Variants in PPM1B observed in about 807,000 individuals in gnomAD.
PPM1B encodes the protein protein phosphatase 1B.
Under a neutral mutation model 43.0 loss-of-function variants are expected in PPM1B, and 22 were observed. The ratio of observed to expected loss-of-function variants is 0.51; its 90% CI spans 0.37 to 0.73. The LOEUF (loss-of-function observed/expected upper bound fraction) is 0.73, where lower values mean the gene tolerates loss of function less well. Among genes scored for constraint, PPM1B ranks in the 30% least tolerant of loss-of-function variants. The probability of loss-of-function intolerance (pLI) is 0.00; values close to 1 mark genes in which losing one functional copy is unlikely to be tolerated. For missense variants in PPM1B, 632 were observed against 584.2 expected (o/e 1.08, Z -0.84); for synonymous variants, 217 against 197.9 (o/e 1.10, Z -0.81).
In PPM1B at chr2:44,201,951, A is replaced by C; in HGVS notation, c.752A>C (p.Asn251Thr). Reference sequence around the variant, plus strand: ...GATGGGATCTGGGATGTTATGAGTAATGAGGAGCTCTGTGAATATGTTAAA... The same window carrying C: ...GATGGGATCTGGGATGTTATGAGTACTGAGGAGCTCTGTGAATATGTTAAA... ...ACDGIWDVMSNEELCEYVKSR... is the reference protein window; with the variant it reads ...ACDGIWDVMSTEELCEYVKSR... The change falls in exon 2 of 6, where the codon AAT (asparagine) becomes ACT (threonine). Residue 251 changes from asparagine to threonine, a missense_variant. Around this residue, in one of 3 missense-constraint regions of PPM1B, gnomAD observed 392 missense variants for 302.7 expected, o/e 1.29. Coordinates refer to ENST00000282412, the MANE Select transcript of PPM1B (RefSeq NM_002706.6). This position sits in a 1 kb window ranked among gnomAD's most constrained non-coding sequence, Gnocchi z 5.4. The C allele has an allele frequency of 6.2e-7, 1 of 1,614,146 alleles. No individual in the cohort carries two copies. The highest frequency in any genetic ancestry group is 8.5e-7 in the Non-Finnish European group (1 of 1,180,000).
chr2:44,214,320 C>T lies in PPM1B; in HGVS notation c.965-3647C>T, dbSNP rs143447962. On this transcript the variant is annotated intron_variant, in intron 3 of 5. Coordinates refer to ENST00000282412, the MANE Select transcript of PPM1B (RefSeq NM_002706.6). ...TCGTGACCTCGTGATCTGCCCGCCT[C>T]GGCCTCCCAAAGTGCTGGGATTACA... 7.4e-3 allele frequency among the ~76,000 whole-genome samples: 1,122 copies of T among 152,022 alleles called. 10 individuals are homozygous for T. Among genetic ancestry groups the T allele is most frequent in the African/African-American group, 0.026 (1,064 of 41,472 alleles).
At chr2:44,216,272 G>T (rs1440622766) in intron 3 of PPM1B, among the ~76,000 whole-genome samples, 1 of 152,180 alleles carries the variant, frequency 6.6e-6, no homozygotes, top group South Asian at 2.1e-4. Context: ...CATTTTTGGT[G>T]TCATAGCTGA....
chr2:44,233,561 G>C, downstream of PPM1B: 1 of 985,720 alleles, frequency 1.0e-6, no homozygotes, highest in Non-Finnish European at 1.2e-6. Context: ...ACATGTTGTG[G>C]ATGCTTTGTA....
intron 5 of PPM1B, among the ~76,000 whole-genome samples, chr2:44,242,196 A>C (rs891855554): frequency 6.6e-6 from 1 of 152,150 alleles, no homozygotes; most frequent in Non-Finnish European, 1.5e-5. Flanking sequence ...ATTATTTCGT[A>C]GTTTAATTGG....
intron 5 of PPM1B, 42 bp downstream of exon 5, chr2:44,218,579 C>T (rs1241860543): frequency 1.5e-6 from 2 of 1,328,298 alleles, no homozygotes; most frequent in East Asian, 2.3e-5. Flanking sequence ...AGTAATTTCA[C>T]AATATAAATA....
downstream of PPM1B, among the ~76,000 whole-genome samples, chr2:44,235,603 C>CA (rs60734033): frequency 0.15 from 10,792 of 73,420 alleles, 878 homozygotes; most frequent in African/African-American, 0.23. Context: ...AATTCCATCT[C>CA]AAAAAAAAAA....
intron 1 of PPM1B, among the ~76,000 whole-genome samples, chr2:44,172,838 T>G (rs1162476586): frequency 2.0e-5 from 3 of 152,002 alleles, no homozygotes; most frequent in African/African-American, 7.2e-5. Context: ...GCCAGGGAGG[T>G]CAAAGCTGCA....
downstream of PPM1B, among the ~76,000 whole-genome samples, chr2:44,234,970 G>A (rs1326507008): frequency 6.6e-6 from 1 of 152,178 alleles, no homozygotes; most frequent in African/African-American, 2.4e-5. Flanking sequence ...CTGTTGAAGT[G>A]TGGTATGGCC....
intron 1 of PPM1B, among the ~76,000 whole-genome samples, chr2:44,182,199 T>C (rs532222445): frequency 6.9e-4 from 105 of 152,326 alleles, no homozygotes; most frequent in African/African-American, 2.4e-3. Flanking sequence ...AGAAACATTC[T>C]CTATGGACGA....
At chr2:44,171,788 C>G (rs1572673902) in intron 1 of PPM1B, among the ~76,000 whole-genome samples, 2 of 147,462 alleles carry the variant, frequency 1.4e-5, no homozygotes, top group East Asian at 4.0e-4. Flanking sequence ...CGAGATTGTG[C>G]CACTGCACTC....
At chr2:44,224,515 TTGC>T (rs1240372939) in intron 5 of PPM1B, among the ~76,000 whole-genome samples, 1 of 151,960 alleles carries the variant, frequency 6.6e-6, no homozygotes, top group Non-Finnish European at 1.5e-5. Flanking sequence ...AAGATAAATA[TTGC>T]TGCAAATAAA....
At chr2:44,194,130 T>G (rs1231840116) in intron 1 of PPM1B, among the ~76,000 whole-genome samples, 1 of 152,200 alleles carries the variant, frequency 6.6e-6, no homozygotes, top group East Asian at 1.9e-4. Flanking sequence ...CTTGCATGGT[T>G]TTTTCCTTCT....
chr2:44,195,205 C>CTT (rs571222223), intron 1 of PPM1B, among the ~76,000 whole-genome samples: 154 of 140,504 alleles, frequency 1.1e-3, no homozygotes, highest in African/African-American at 3.5e-3. Flanking sequence ...TTCTTTCTTT[C>CTT]TTTTTTTTTT....
intron 3 of PPM1B, among the ~76,000 whole-genome samples, chr2:44,211,482 G>C (rs924796682): frequency 6.6e-6 from 1 of 152,138 alleles, no homozygotes; most frequent in South Asian, 2.1e-4. Flanking sequence ...AATCAGGGAG[G>C]CATGTGATGT....
At chr2:44,210,638 A>C (rs931932477) in intron 3 of PPM1B, among the ~76,000 whole-genome samples, 4 of 151,980 alleles carry the variant, frequency 2.6e-5, no homozygotes, top group Non-Finnish European at 5.9e-5. Flanking sequence ...GCTTATCTCT[A>C]TATATACTTT....
chr2:44,234,872 C>G (rs191858664), downstream of PPM1B, among the ~76,000 whole-genome samples: 191 of 152,210 alleles, frequency 1.3e-3, 1 homozygote, highest in African/African-American at 4.5e-3. Context: ...AGTTAGGATA[C>G]AAAAATTCAG....
At chr2:44,239,123 A>G (rs767486517), downstream of PPM1B, among the ~76,000 whole-genome samples, 1 of 149,060 alleles carries the variant, frequency 6.7e-6, no homozygotes, top group Non-Finnish European at 1.5e-5. Context: ...GCAGTGAGCT[A>G]CAAATGGATC....
intron 1 of PPM1B, among the ~76,000 whole-genome samples, chr2:44,183,202 T>A (rs1156966415): frequency 6.6e-6 from 1 of 152,208 alleles, no homozygotes; most frequent in Non-Finnish European, 1.5e-5. Flanking sequence ...GTTGTTGGAT[T>A]GCTTTGTCTG....
chr2:44,236,054 A>T (rs534817500), downstream of PPM1B, among the ~76,000 whole-genome samples: 10 of 152,102 alleles, frequency 6.6e-5, no homozygotes, highest in East Asian at 7.7e-4. Flanking sequence ...ATAATTTCTT[A>T]ATGCTAAAAG....
Sources: allele counts gnomAD v4.1 joint callset (sites outside exome capture counted in the v4.1 genomes callset), GRCh38; gene constraint gnomAD v4.1.1; regional missense constraint gnomAD v4.1.1; non-coding constraint Gnocchi (gnomAD v3.1); transcripts MANE v1.5; gene names NCBI Gene and HGNC (gene_info 2026-07-23, HGNC 2026-07-21).